The following TMEM132C variants were observed in gnomAD, a reference collection of about 807,000 sequenced individuals.
TMEM132C encodes protein phosphatase 1, regulatory subunit 152.
TMEM132C carries 29 observed loss-of-function variants against 61.4 expected under a neutral mutation model. That is an observed-to-expected ratio of 0.47 (90% CI 0.35 to 0.64). The LOEUF is 0.64. Ranked by LOEUF, TMEM132C falls within the 30% of genes least tolerant of loss-of-function variation. TMEM132C has a pLI of 0.00. For missense variants in TMEM132C, 1,408 were observed against 1,476.9 expected, an observed-to-expected ratio of 0.95 and a Z score of 0.76; for synonymous variants, 656 against 633.1, an observed-to-expected ratio of 1.04 and a Z score of -0.54.
chr12:128,478,521 C>G (rs1871224186), intron 2 of TMEM132C, among the ~76,000 whole-genome samples: 1 of 152,194 alleles, frequency 6.6e-6, no homozygotes, highest in Non-Finnish European at 1.5e-5. Context: ...CGGACTTTCT[C>G]TTTATCCCAA....
rs563552270 is a variant in TMEM132C, at chr12:128,299,977, G to C, written c.85+32490G>C. 3.1e-4 allele frequency among the ~76,000 whole-genome samples: 47 copies of C among 152,354 alleles called. No homozygotes were observed. In the South Asian group the frequency reaches 9.5e-3, roughly 31 times the overall value. Reference sequence around the variant, plus strand: ...TGCCCACATTTAAATAATTCCGTCAGTGTAGTCTAGACACAGTCGGCCAGT... The same window carrying C: ...TGCCCACATTTAAATAATTCCGTCACTGTAGTCTAGACACAGTCGGCCAGT... On this transcript the variant is annotated intron_variant, in intron 1 of 8. Coordinates refer to ENST00000435159, the MANE Select transcript of TMEM132C (RefSeq NM_001136103.3).
intron 2 of TMEM132C, among the ~76,000 whole-genome samples, chr12:128,478,848 C>G (rs1360658290): frequency 6.6e-6 from 1 of 152,222 alleles, no homozygotes; most frequent in Non-Finnish European, 1.5e-5. Flanking sequence ...GCCTGCCTGT[C>G]ATGGTTGGGG....
At chr12:128,441,285 CT>C (rs989772204) in intron 2 of TMEM132C, among the ~76,000 whole-genome samples, 1 of 152,252 alleles carries the variant, frequency 6.6e-6, no homozygotes. Context: ...TCTCAGTCCA[CT>C]TCACTCACAT....
chr12:128,677,451 A>G (rs1954600164), intron 5 of TMEM132C, among the ~76,000 whole-genome samples: 1 of 152,070 alleles, frequency 6.6e-6, no homozygotes, highest in African/African-American at 2.4e-5. Flanking sequence ...CATGAATAGG[A>G]CACTGCTGGA....
chr12:128,603,628 A>G (rs947212008), intron 3 of TMEM132C, among the ~76,000 whole-genome samples: 1 of 151,974 alleles, frequency 6.6e-6, no homozygotes, highest in Admixed American at 6.6e-5. Flanking sequence ...TTATATATTT[A>G]CTTTTTTACT....
intron 2 of TMEM132C, among the ~76,000 whole-genome samples, chr12:128,484,150 G>T (rs1293479764): frequency 6.6e-6 from 1 of 152,194 alleles, no homozygotes; most frequent in African/African-American, 2.4e-5. Context: ...ATGTTTGCCA[G>T]TGCACGAGGA....
chr12:128,508,935 C>A (rs1872477913), intron 2 of TMEM132C, among the ~76,000 whole-genome samples: 1 of 152,202 alleles, frequency 6.6e-6, no homozygotes, highest in Admixed American at 6.5e-5. Context: ...CGTCTCCTAA[C>A]AAAGACTGAG....
chr12:128,594,422 G>A (rs927896280), intron 3 of TMEM132C, among the ~76,000 whole-genome samples: 1 of 143,920 alleles, frequency 6.9e-6, no homozygotes, highest in African/African-American at 2.6e-5. Context: ...TTTGTTTTGT[G>A]GCTGCTGTGC....
chr12:128,612,024 G>A (rs1364475554), intron 3 of TMEM132C, among the ~76,000 whole-genome samples: 2 of 152,232 alleles, frequency 1.3e-5, no homozygotes, highest in Non-Finnish European at 2.9e-5. Flanking sequence ...GGCTGTGTGG[G>A]GGTGGAGAAG....
chr12:128,437,168 G>T (rs1869628050), intron 2 of TMEM132C, among the ~76,000 whole-genome samples: 1 of 152,116 alleles, frequency 6.6e-6, no homozygotes, highest in Non-Finnish European at 1.5e-5. Context: ...CTGGGGGAGG[G>T]ATAGTATTAG....
At chr12:128,530,150 G>A (rs1003458748) in intron 2 of TMEM132C, among the ~76,000 whole-genome samples, 62 of 152,208 alleles carry the variant, frequency 4.1e-4, no homozygotes, top group Middle Eastern at 3.4e-3. Flanking sequence ...TGGAGTCTCC[G>A]CAGGCGTAGA....
chr12:128,365,667 T>C (rs1177273776), intron 1 of TMEM132C, among the ~76,000 whole-genome samples: 2 of 152,232 alleles, frequency 1.3e-5, no homozygotes, highest in Non-Finnish European at 2.9e-5. Context: ...CAGCAGGAGC[T>C]GTGATTTCCA....
rs1235634434 is a variant in TMEM132C at position 128,570,825 on chromosome 12, T to C, written c.1121+26722T>C. On this transcript the variant is annotated intron_variant, in intron 3 of 8. Coordinates refer to ENST00000435159, the MANE Select transcript of TMEM132C (RefSeq NM_001136103.3). The surrounding 1 kb of genome is among the most constrained non-coding windows in gnomAD (Gnocchi z 4.7). ...CTCTTTGGATAAGAAAAACAATAGC[T>C]TCCTTGCAAGTTCAGCCAGTAGACA... Among the ~76,000 whole-genome samples the C allele has an allele frequency of 6.6e-6, 1 of 152,196 alleles. No individual in the cohort carries two copies. The highest frequency in any genetic ancestry group is 1.5e-5 in the Non-Finnish European group (1 of 68,034).
intron 2 of TMEM132C, among the ~76,000 whole-genome samples, chr12:128,451,138 C>T (rs1443667092): frequency 6.6e-6 from 1 of 152,136 alleles, no homozygotes; most frequent in Non-Finnish European, 1.5e-5. Context: ...TTGCTGTTTA[C>T]TTTTGCTAAA....
intron 2 of TMEM132C, among the ~76,000 whole-genome samples, chr12:128,455,956 T>C (rs1297184441): frequency 6.6e-6 from 1 of 152,176 alleles, no homozygotes; most frequent in Non-Finnish European, 1.5e-5. Flanking sequence ...CAAAGATAAA[T>C]GAGATTTCAG....
At chr12:128,413,148 A>T (rs954403687) in intron 1 of TMEM132C, among the ~76,000 whole-genome samples, 18 of 151,936 alleles carry the variant, frequency 1.2e-4, no homozygotes, top group Admixed American at 9.8e-4. Flanking sequence ...AATACAAAAA[A>T]ATTAGCCAGG....
Position 128,666,620 on chromosome 12 carries a change from GC to G in TMEM132C, c.1306-2796del, listed in dbSNP as rs200509754. On this transcript the variant is annotated intron_variant, in intron 4 of 8. Transcript: ENST00000435159. ...GATTGCACAGGAAGTTAATGGGAAA[GC>G]AAGGAGCGGAATCCAGGAGTCCAGA... Among the ~76,000 whole-genome samples the G allele has an allele frequency of 6.4e-3, 980 of 152,296 alleles. 9 individuals carry two copies. Among genetic ancestry groups the G allele is most frequent in the African/African-American group, 0.022 (930 of 41,562 alleles).
intron 2 of TMEM132C, among the ~76,000 whole-genome samples, chr12:128,454,571 C>T (rs930045248): frequency 3.9e-5 from 6 of 152,214 alleles, no homozygotes; most frequent in Non-Finnish European, 8.8e-5. Flanking sequence ...CACTTGGGGT[C>T]TCCCATGAGG....
intron 2 of TMEM132C, among the ~76,000 whole-genome samples, chr12:128,424,895 C>T (rs1389970474): frequency 6.6e-6 from 1 of 152,178 alleles, no homozygotes; most frequent in Admixed American, 6.5e-5. Flanking sequence ...TTCTTAGGAC[C>T]AGACCACTCT....
Sources: allele counts gnomAD v4.1 joint callset (sites outside exome capture counted in the v4.1 genomes callset), GRCh38; gene constraint gnomAD v4.1.1; non-coding constraint Gnocchi (gnomAD v3.1); transcripts MANE v1.5; gene names NCBI Gene and HGNC (gene_info 2026-07-23, HGNC 2026-07-21).